Variants in PPM1L observed in about 807,000 individuals in gnomAD.
The protein encoded by PPM1L is protein phosphatase, Mg2+/Mn2+ dependent 1L.
PPM1L carries 13 observed loss-of-function variants against 31.4 expected under a neutral mutation model. That is an observed-to-expected ratio of 0.41 (90% confidence interval 0.27 to 0.66). The LOEUF is 0.66. Among genes scored for constraint, PPM1L ranks in the 30% least tolerant of loss-of-function variants. The pLI, the probability that PPM1L is intolerant of heterozygous loss-of-function variation, is 0.29. For synonymous variants in PPM1L, 184 were observed against 175.4 expected (o/e 1.05, Z -0.39); for missense variants, 326 against 453.7 (o/e 0.72, Z 2.56).
intron 2 of PPM1L, among the ~76,000 whole-genome samples, chr3:160,976,613 G>T (rs1716588405): frequency 1.3e-5 from 2 of 151,902 alleles, no homozygotes; most frequent in South Asian, 4.2e-4. Flanking sequence ...GAGAGTGTAT[G>T]TGTCAAGGAA....
chr3:160,892,641 T>C (rs1488316356), intron 1 of PPM1L, among the ~76,000 whole-genome samples: 1 of 152,136 alleles, frequency 6.6e-6, no homozygotes, highest in African/African-American at 2.4e-5. Flanking sequence ...TCGTTCCACA[T>C]TGGGGTTTCG....
At chr3:160,853,387 T>C (rs937353154) in intron 1 of PPM1L, among the ~76,000 whole-genome samples, 4 of 152,176 alleles carry the variant, frequency 2.6e-5, no homozygotes, top group African/African-American at 9.6e-5. Context: ...ATCATCATAA[T>C]CTTTCTAAAA....
chr3:161,027,631 G>C (rs902223268), intron 2 of PPM1L, among the ~76,000 whole-genome samples: 5 of 152,008 alleles, frequency 3.3e-5, no homozygotes, highest in African/African-American at 4.8e-5. Flanking sequence ...CCTCCCAAAG[G>C]GTCTCTCCCA....
chr3:161,032,740 T>C (rs950354013), intron 2 of PPM1L, among the ~76,000 whole-genome samples: 1 of 151,150 alleles, frequency 6.6e-6, no homozygotes, highest in African/African-American at 2.4e-5. Flanking sequence ...TAGCCCAAGC[T>C]GGAGTGCAAT....
chr3:160,832,050 T>C (rs1713538915), intron 1 of PPM1L, among the ~76,000 whole-genome samples: 1 of 152,222 alleles, frequency 6.6e-6, no homozygotes, highest in African/African-American at 2.4e-5. Flanking sequence ...CATTTACTTA[T>C]TGAATACCAT....
At chr3:160,927,168 A>AC (rs956280690) in intron 1 of PPM1L, among the ~76,000 whole-genome samples, 5 of 152,040 alleles carry the variant, frequency 3.3e-5, no homozygotes, top group African/African-American at 1.2e-4. Context: ...AAGATAGAAA[A>AC]CCCTAACCTG....
intron 1 of PPM1L, among the ~76,000 whole-genome samples, chr3:160,897,249 G>A (rs552487603): frequency 1.3e-5 from 2 of 152,076 alleles, no homozygotes; most frequent in African/African-American, 4.8e-5. Flanking sequence ...CACCATGTTG[G>A]CCAGGATGGT....
At chr3:160,914,964 T>A (rs1305799377) in intron 1 of PPM1L, among the ~76,000 whole-genome samples, 2 of 152,154 alleles carry the variant, frequency 1.3e-5, no homozygotes, top group African/African-American at 4.8e-5. Context: ...GTTTCCTGAC[T>A]TTTTAATGAT....
chr3:160,758,737 T>A (rs1457430844), intron 1 of PPM1L, among the ~76,000 whole-genome samples: 2 of 152,252 alleles, frequency 1.3e-5, no homozygotes, highest in Non-Finnish European at 2.9e-5. Context: ...TAAATGCTTT[T>A]ATTTTACTAA....
chr3:160,911,931 G>A (rs1171622950), intron 1 of PPM1L, among the ~76,000 whole-genome samples: 1 of 152,166 alleles, frequency 6.6e-6, no homozygotes, highest in African/African-American at 2.4e-5. Flanking sequence ...AACCCTGAGA[G>A]TAGTTTGTAT....
intron 2 of PPM1L, among the ~76,000 whole-genome samples, chr3:161,035,255 C>T (rs1052617829): frequency 6.6e-6 from 1 of 150,458 alleles, no homozygotes; most frequent in African/African-American, 2.5e-5. Context: ...TTTGACTGAG[C>T]TTTGTTCTGC....
At chr3:160,944,510 A>G (rs1217474334) in intron 1 of PPM1L, among the ~76,000 whole-genome samples, 1 of 149,734 alleles carries the variant, frequency 6.7e-6, no homozygotes, top group African/African-American at 2.5e-5. Flanking sequence ...AAGACTCTCT[A>G]ACTTTTTAGG....
chr3:160,910,761 C>A (rs1177432572), intron 1 of PPM1L, among the ~76,000 whole-genome samples: 1 of 151,886 alleles, frequency 6.6e-6, no homozygotes, highest in Non-Finnish European at 1.5e-5. Context: ...TAAATAAGTT[C>A]TTATTAAGTG....
At chr3:160,887,666 C>T (rs906787846) in intron 1 of PPM1L, among the ~76,000 whole-genome samples, 3 of 151,232 alleles carry the variant, frequency 2.0e-5, no homozygotes, top group African/African-American at 4.9e-5. Flanking sequence ...CTGCAAGCTC[C>T]ACCTCCCAGG....
chr3:160,855,768 G>GT (rs1274112330), intron 1 of PPM1L, among the ~76,000 whole-genome samples: 1 of 152,144 alleles, frequency 6.6e-6, no homozygotes, highest in East Asian at 1.9e-4. Context: ...TGGAGGGAAC[G>GT]TAAGTGTTTC....
intron 1 of PPM1L, among the ~76,000 whole-genome samples, chr3:160,791,459 T>C (rs1385398039): frequency 1.3e-5 from 2 of 152,172 alleles, no homozygotes; most frequent in Non-Finnish European, 2.9e-5. Flanking sequence ...TTTCTCTTAA[T>C]AGCTTATATT....
At chr3:160,981,002 C>A (rs747110855) in intron 2 of PPM1L, among the ~76,000 whole-genome samples, 58 of 152,286 alleles carry the variant, frequency 3.8e-4, no homozygotes, top group Admixed American at 1.0e-3. Context: ...ATACTTGGCA[C>A]AAATTAACTT....
At chr3:160,986,121 A>G (rs1230194126) in intron 2 of PPM1L, among the ~76,000 whole-genome samples, 3 of 152,182 alleles carry the variant, frequency 2.0e-5, no homozygotes, top group Non-Finnish European at 2.9e-5. Flanking sequence ...TCACATCTCA[A>G]CGTCTCAGTG....
chr3:160,958,790 C>T (rs1344831464), intron 1 of PPM1L, among the ~76,000 whole-genome samples: 1 of 152,130 alleles, frequency 6.6e-6, no homozygotes, highest in Non-Finnish European at 1.5e-5. Context: ...TTACCTTTGG[C>T]TACTCTAGGG....
Sources: allele counts gnomAD v4.1 joint callset (sites outside exome capture counted in the v4.1 genomes callset), GRCh38; gene constraint gnomAD v4.1.1; transcripts MANE v1.5; gene names NCBI Gene and HGNC (gene_info 2026-07-23, HGNC 2026-07-21).